The following CYP2J2 variants were observed in gnomAD, a reference collection of about 807,000 sequenced individuals.
CYP2J2 encodes cytochrome P450 2J2.
In CYP2J2, 41 loss-of-function variants were observed where a neutral mutation model predicts 48.8. The observed-to-expected ratio is 0.84, with a 90% CI of 0.66 to 1.09. The LOEUF (loss-of-function observed/expected upper bound fraction) is 1.09. Ranked by LOEUF, CYP2J2 falls within the 50% of genes least tolerant of loss-of-function variation. The pLI is 0.00. For missense variants in CYP2J2, 644 were observed against 617.3 expected (o/e 1.04, Z -0.46); for synonymous variants, 221 against 227.1 (o/e 0.97, Z 0.24).
intron 8 of CYP2J2, among the ~76,000 whole-genome samples, chr1:59,896,205 G>T (rs1326276566): frequency 1.3e-5 from 2 of 151,984 alleles, no homozygotes; most frequent in Non-Finnish European, 2.9e-5. Flanking sequence ...CTCTCCAGAT[G>T]TTGTTGCCCC....
At chr1:59,933,976 C>G in the CYP2J2 span, among the ~76,000 whole-genome samples, 3 of 152,064 alleles carry the variant, frequency 2.0e-5, no homozygotes, top group African/African-American at 7.2e-5. Context: ...CAAAACTTTC[C>G]TAATTCCAAA....
intron 7 of CYP2J2, among the ~76,000 whole-genome samples, chr1:59,904,135 G>A (rs1048233107): frequency 1.3e-5 from 2 of 152,080 alleles, no homozygotes; most frequent in Non-Finnish European, 2.9e-5. Context: ...CACTTTGGGA[G>A]GCCGAGGTGG....
intron 7 of CYP2J2, among the ~76,000 whole-genome samples, chr1:59,902,069 T>C (rs1157500262): frequency 6.6e-6 from 1 of 152,180 alleles, no homozygotes; most frequent in Non-Finnish European, 1.5e-5. Flanking sequence ...AACATGCCAT[T>C]TTCCTACTTA....
chr1:59,894,737 A>AGT (rs2102099046), intron 8 of CYP2J2, among the ~76,000 whole-genome samples: 1 of 152,364 alleles, frequency 6.6e-6, no homozygotes, highest in Non-Finnish European at 1.5e-5. Flanking sequence ...CTCAAAACAA[A>AGT]GTATTTTAAA....
the CYP2J2 span, among the ~76,000 whole-genome samples, chr1:59,941,396 TGTCA>T: frequency 6.6e-6 from 1 of 152,244 alleles, no homozygotes; most frequent in South Asian, 2.1e-4. Context: ...CCTATTGTGC[TGTCA>T]GTCATATAAA....
the CYP2J2 span, among the ~76,000 whole-genome samples, chr1:59,965,283 TG>T: frequency 6.3e-3 from 957 of 152,220 alleles, 7 homozygotes; most frequent in African/African-American, 0.02. Flanking sequence ...AGGGTGAGGC[TG>T]GAAATATAAA....
At chr1:59,893,910 C>T in intron 8 of CYP2J2, 81 bp from the exon 9 acceptor site, 1 of 1,391,910 alleles carries the variant, frequency 7.2e-7, no homozygotes, top group South Asian at 1.6e-5. Context: ...CAATCATATC[C>T]CCAAAAAAAT....
intron 8 of CYP2J2, among the ~76,000 whole-genome samples, chr1:59,898,426 C>T (rs1574245394): frequency 6.6e-6 from 1 of 152,166 alleles, no homozygotes. Context: ...AGCCATCAGC[C>T]TGTTGACCAC....
At chr1:59,899,765 T>C (rs762687148) in intron 8 of CYP2J2, among the ~76,000 whole-genome samples, 9 of 152,228 alleles carry the variant, frequency 5.9e-5, no homozygotes, top group Admixed American at 4.6e-4. Flanking sequence ...ATAAACTTTA[T>C]ATGATTACAC....
chr1:59,962,149 T>C, the CYP2J2 span, among the ~76,000 whole-genome samples: 1 of 152,146 alleles, frequency 6.6e-6, no homozygotes, highest in Non-Finnish European at 1.5e-5. Flanking sequence ...GTGGCTATAT[T>C]AAAAAATGAA....
At chr1:59,939,504 C>T in the CYP2J2 span, among the ~76,000 whole-genome samples, 5 of 152,156 alleles carry the variant, frequency 3.3e-5, no homozygotes, top group African/African-American at 9.7e-5. Flanking sequence ...CCCCTGTGGC[C>T]GCCACCACTA....
chr1:59,900,454 G>A (rs1161354909), intron 8 of CYP2J2, among the ~76,000 whole-genome samples: 1 of 152,158 alleles, frequency 6.6e-6, no homozygotes, highest in African/African-American at 2.4e-5. Flanking sequence ...CCAACATGGT[G>A]AAACCTCGTC....
At chr1:59,960,624 C>T in the CYP2J2 span, among the ~76,000 whole-genome samples, 4 of 152,154 alleles carry the variant, frequency 2.6e-5, no homozygotes, top group African/African-American at 9.7e-5. Flanking sequence ...GGGTGGATCA[C>T]TTGAGGTCAG....
chr1:59,941,521 C>T, the CYP2J2 span, among the ~76,000 whole-genome samples: 1 of 152,150 alleles, frequency 6.6e-6, no homozygotes, highest in Admixed American at 6.5e-5. Flanking sequence ...AGAGTGTACT[C>T]CTTCCACTTA....
chr1:59,955,490 G>C, the CYP2J2 span, among the ~76,000 whole-genome samples: 1 of 151,884 alleles, frequency 6.6e-6, no homozygotes, highest in Non-Finnish European at 1.5e-5. Flanking sequence ...ACATTTTGAC[G>C]AGGAGCAGGA....
the CYP2J2 span, among the ~76,000 whole-genome samples, chr1:59,932,023 G>A: frequency 6.6e-6 from 1 of 152,046 alleles, no homozygotes; most frequent in East Asian, 1.9e-4. Flanking sequence ...TTGATGTGGT[G>A]TATTATTTTT....
chr1:59,922,437 A>G (rs1182561968), intron 1 of CYP2J2, among the ~76,000 whole-genome samples: 1 of 152,228 alleles, frequency 6.6e-6, no homozygotes, highest in African/African-American at 2.4e-5. Context: ...AATTATAACT[A>G]AATTTCATAA....
intron 1 of CYP2J2, among the ~76,000 whole-genome samples, chr1:59,919,534 T>C (rs186536011): frequency 1.3e-5 from 2 of 152,208 alleles, no homozygotes; most frequent in Admixed American, 1.3e-4. Context: ...TGTCTCACTG[T>C]GTATGTATTG....
rs776458779 is a variant in CYP2J2, at chr1:59,909,980, C to T, written c.685-20G>A. The T allele has an allele frequency of 1.1e-4, 170 of 1,582,084 alleles. No homozygotes were observed. Among genetic ancestry groups the T allele is most frequent in the Admixed American group, 1.7e-4 (9 of 53,028 alleles). On this transcript the variant is annotated intron_variant, in intron 4 of 8. Transcript: ENST00000371204. ...GTAGAGCTAATTGAGAAAAACAAAACAATCATGCAGATAACATGGTGCCAT... is the reference window on the plus strand; with the variant it reads ...GTAGAGCTAATTGAGAAAAACAAAATAATCATGCAGATAACATGGTGCCAT...
Sources: gnomAD v4.1 joint callset for allele counts (sites outside exome capture counted in the v4.1 genomes callset) on GRCh38, gnomAD v4.1.1 for gene constraint, MANE v1.5 for transcripts, NCBI Gene and HGNC (gene_info 2026-07-23, HGNC 2026-07-21) for gene names.